The following ZNF589 variants were observed in gnomAD, a reference collection of about 807,000 sequenced individuals.
ZNF589 encodes the protein KRAB-zinc finger protein SZF1-1.
Under a neutral mutation model 13.6 loss-of-function variants are expected in ZNF589, and 17 were observed. The ratio of observed to expected loss-of-function variants is 1.25; its 90% CI spans 0.86 to 1.88. ZNF589 has a LOEUF of 1.88. Among genes scored for constraint, ZNF589 ranks in the 40% most tolerant of loss-of-function variants. The pLI is 0.00. For synonymous variants in ZNF589, 148 were observed against 161.6 expected, an observed-to-expected ratio of 0.92 and a Z score of 0.64; for missense variants, 407 against 434.0, an observed-to-expected ratio of 0.94 and a Z score of 0.55.
chr3:48,255,861 C>T (rs934028571), intron 2 of ZNF589, among the ~76,000 whole-genome samples: 1 of 152,146 alleles, frequency 6.6e-6, no homozygotes, highest in African/African-American at 2.4e-5. Context: ...CTGCCTTGAC[C>T]TCCCAAACTG....
At chr3:48,251,634 A>G (rs904741568) in intron 2 of ZNF589, among the ~76,000 whole-genome samples, 2 of 151,178 alleles carry the variant, frequency 1.3e-5, no homozygotes, top group African/African-American at 4.9e-5. Flanking sequence ...TTGGTGTGGT[A>G]TGAGATAGGG....
intron 3 of ZNF589, among the ~76,000 whole-genome samples, chr3:48,266,263 C>T (rs2034017947): frequency 6.6e-6 from 1 of 152,204 alleles, no homozygotes; most frequent in Admixed American, 6.5e-5. Flanking sequence ...TGAACTACAT[C>T]TAGGGCCAGG....
At chr3:48,250,338 A>T (rs1482964159) in intron 2 of ZNF589, among the ~76,000 whole-genome samples, 2 of 143,028 alleles carry the variant, frequency 1.4e-5, no homozygotes, top group African/African-American at 5.2e-5. Context: ...AATTAAATAG[A>T]GACGGGTCTC....
rs2034059802 is a variant in ZNF589, at chr3:48,269,113, C to CT, written c.*330dup. ...ACACGGGAGAGAAGCCTTACACGTG[C>CT]TTTGAGTGTGGGCGAAACTTTAGCC... On this transcript the variant is annotated 3_prime_UTR_variant, in exon 4 of 4. Coordinates refer to ENST00000354698, the MANE Select transcript of ZNF589 (RefSeq NM_016089.3). 5.9e-6 allele frequency: 4 copies of CT among 682,384 alleles called. No individual in the cohort carries two copies. Among genetic ancestry groups the CT allele is most frequent in the Non-Finnish European group, 1.0e-5 (4 of 399,326 alleles). 42.3% of individuals were successfully genotyped at this position (682,384 alleles called of 1,614,324 possible).
chr3:48,265,225 GC>G (rs1221444781), intron 3 of ZNF589, among the ~76,000 whole-genome samples: 1 of 148,176 alleles, frequency 6.7e-6, no homozygotes, highest in African/African-American at 2.5e-5. Context: ...ACCCACCTTG[GC>G]CTCCCAAAGT....
At chr3:48,266,359 T>C (rs1297298285) in intron 3 of ZNF589, among the ~76,000 whole-genome samples, 1 of 152,176 alleles carries the variant, frequency 6.6e-6, no homozygotes, top group Non-Finnish European at 1.5e-5. Context: ...CCAGCCCAAC[T>C]GCTCCAACTC....
Position 48,256,719 on chromosome 3 carries a change from G to A in ZNF589, c.97-4094G>A, listed in dbSNP as rs1559981621. On this transcript the variant is annotated intron_variant, in intron 2 of 3. Coordinates refer to ENST00000354698, the MANE Select transcript of ZNF589 (RefSeq NM_016089.3). ...TTTTACTTGTGGTTCAGGTTCCAGT[G>A]GCAGATGGGGCACTGGCCAGAGGGG... 6 of 1,590,294 alleles carry A rather than the reference G, an allele frequency of 3.8e-6. No individual in the cohort carries two copies. The African/African-American group carries it at 5.4e-5, about 14-fold the overall frequency.
At chr3:48,256,908 A>G in intron 2 of ZNF589, 1 of 749,948 alleles carries the variant, frequency 1.3e-6, no homozygotes, top group Non-Finnish European at 2.3e-6. Context: ...AGCTGCCCAC[A>G]GCCAGACACC....
At position 48,268,896 on chromosome 3, in the gene ZNF589, C is replaced by T. The variant is rs1255144836; in HGVS notation, c.*110C>T. ...GGGCGAGGCTTTCGTGCTAAATCAACTCTCCTCCTACACCAGTGGACACAT... is the reference window on the plus strand; with the variant it reads ...GGGCGAGGCTTTCGTGCTAAATCAATTCTCCTCCTACACCAGTGGACACAT... On this transcript the variant is annotated 3_prime_UTR_variant, in exon 4 of 4. Coordinates refer to ENST00000354698, the MANE Select transcript of ZNF589 (RefSeq NM_016089.3). 2.1e-6 allele frequency: 3 copies of T among 1,426,766 alleles called. No individual in the cohort carries two copies. The African/African-American group carries it at 4.3e-5, about 20-fold the overall frequency. The allele number at this position is 1,426,766 out of a possible 1,614,324, so 88.4% of individuals were successfully genotyped here.
intron 2 of ZNF589, among the ~76,000 whole-genome samples, chr3:48,255,132 A>G (rs527945342): frequency 2.6e-5 from 4 of 151,528 alleles, no homozygotes; most frequent in South Asian, 2.1e-4. Flanking sequence ...TTCTTTGTCA[A>G]TTGAGGAAGT....
chr3:48,247,567 ATCCTCATGATGGGCCTGGTAGGGCTGGCT>A (rs1447447345), intron 1 of ZNF589, 29 bp from the exon 2 acceptor site: 2 of 1,596,746 alleles, frequency 1.3e-6, no homozygotes, highest in African/African-American at 2.7e-5. Flanking sequence ...GCTCTTGGGG[ATCCTCATGATGGGCCTGGTAGGGCTGGCT>A]TCTCAAGGTT....
In ZNF589 at chr3:48,268,447, G is replaced by A; in HGVS notation, c.756G>A (p.Glu252=). 1 of 1,614,210 alleles carries A rather than the reference G, an allele frequency of 6.2e-7. No individual in the cohort carries two copies. Among genetic ancestry groups the A allele is most frequent in the Non-Finnish European group, 8.5e-7 (1 of 1,180,036 alleles). Residue 252 remains glutamate, a synonymous_variant, in exon 4 of 4, where the codon GAG becomes GAA. Transcript: ENST00000354698. The stretch of plus-strand genomic sequence containing the variant: ...AAAGGCAGTCACAGGTGTGCAGGGA[G>A]TGTGGGCGAGGCTTTAGCAGGAAGT... The part of the protein sequence containing the change: ...SDKRQSQVCR[E]CGRGFSRKSQ...
At chr3:48,250,652 A>G (rs1184005964) in intron 2 of ZNF589, among the ~76,000 whole-genome samples, 4 of 152,006 alleles carry the variant, frequency 2.6e-5, no homozygotes, top group Admixed American at 6.6e-5. Context: ...TTGTATTTTT[A>G]TTAGAGACTT....
At chr3:48,243,383 C>A (rs191499029) in intron 1 of ZNF589, among the ~76,000 whole-genome samples, 10 of 152,116 alleles carry the variant, frequency 6.6e-5, no homozygotes, top group Non-Finnish European at 1.2e-4. Flanking sequence ...GTTTGCCAAG[C>A]CATTGTTCAG....
chr3:48,266,340 C>T (rs186669026), intron 3 of ZNF589, among the ~76,000 whole-genome samples: 1 of 152,206 alleles, frequency 6.6e-6, no homozygotes, highest in East Asian at 1.9e-4. Flanking sequence ...TCATCAGATT[C>T]CCAGACACCC....
At chr3:48,247,716 C>G in intron 2 of ZNF589, 39 bp downstream of exon 2, 2 of 1,604,810 alleles carry the variant, frequency 1.2e-6, no homozygotes, top group South Asian at 1.1e-5. Flanking sequence ...GAAATGCTGG[C>G]TCATTTCTCA....
chr3:48,264,657 C>T (rs955707391), intron 3 of ZNF589, among the ~76,000 whole-genome samples: 2 of 148,956 alleles, frequency 1.3e-5, no homozygotes, highest in South Asian at 2.2e-4. Context: ...GGTGAAACCC[C>T]GTCACTACTA....
At chr3:48,247,549 C>A in intron 1 of ZNF589, 76 bp from the exon 2 acceptor site, 1 of 1,565,314 alleles carries the variant, frequency 6.4e-7, no homozygotes. Flanking sequence ...ACAGCCAAGG[C>A]TCAGAGGGCT....
intron 1 of ZNF589, among the ~76,000 whole-genome samples, chr3:48,246,700 G>A (rs573103922): frequency 6.6e-5 from 10 of 151,944 alleles, no homozygotes; most frequent in South Asian, 4.2e-4. Flanking sequence ...ACGGAGTCTC[G>A]CTCTGTCGCC....
Sources: gnomAD v4.1 joint callset for allele counts (sites outside exome capture counted in the v4.1 genomes callset) on GRCh38, gnomAD v4.1.1 for gene constraint, MANE v1.5 for transcripts, NCBI Gene and HGNC (gene_info 2026-07-23, HGNC 2026-07-21) for gene names.